Variants in CTNNA3 observed in about 807,000 individuals in gnomAD.
CTNNA3 encodes catenin alpha 3, also known as catenin alpha-3.
Under a neutral mutation model 95.7 loss-of-function variants are expected in CTNNA3, and 76 were observed. The ratio of observed to expected loss-of-function variants is 0.79; its 90% CI spans 0.66 to 0.96. The LOEUF is 0.96. CTNNA3 is among the 40% of genes least tolerant of loss of function. The pLI, the probability that CTNNA3 is intolerant of heterozygous loss-of-function variation, is 0.00. For synonymous variants in CTNNA3, 431 were observed against 374.4 expected (o/e 1.15, Z -1.74); for missense variants, 1,191 against 1,089.8 (o/e 1.09, Z -1.31).
chr10:66,576,546 T>C (rs758848102), intron 10 of CTNNA3, among the ~76,000 whole-genome samples: 1 of 151,986 alleles, frequency 6.6e-6, no homozygotes, highest in Non-Finnish European at 1.5e-5. Context: ...TTATATTCAA[T>C]GTTGAGCTTC....
intron 11 of CTNNA3, among the ~76,000 whole-genome samples, chr10:66,508,854 C>A (rs996234749): frequency 6.6e-6 from 1 of 152,030 alleles, no homozygotes; most frequent in African/African-American, 2.4e-5. Flanking sequence ...CATGGGGTTG[C>A]AGATATTTCT....
intron 11 of CTNNA3, among the ~76,000 whole-genome samples, chr10:66,480,717 G>A (rs1226550665): frequency 6.6e-6 from 1 of 152,058 alleles, no homozygotes; most frequent in Non-Finnish European, 1.5e-5. Flanking sequence ...TGATTGTCCT[G>A]CCTCAGCCTC....
intron 1 of CTNNA3, among the ~76,000 whole-genome samples, chr10:67,656,944 G>C (rs1032244344): frequency 1.1e-4 from 17 of 152,188 alleles, no homozygotes; most frequent in African/African-American, 4.1e-4. Context: ...GAATCACTCT[G>C]GTGAATAGAA....
At chr10:67,010,552 G>C (rs201061668) in intron 7 of CTNNA3, among the ~76,000 whole-genome samples, 5 of 152,100 alleles carry the variant, frequency 3.3e-5, no homozygotes, top group Non-Finnish European at 5.9e-5. Context: ...GAAGAAGAGT[G>C]GGGGGAGCAC....
intron 1 of CTNNA3, among the ~76,000 whole-genome samples, chr10:67,654,958 A>G (rs1274019251): frequency 5.3e-5 from 8 of 152,208 alleles, no homozygotes; most frequent in Non-Finnish European, 2.9e-5. Context: ...AATAGTCGAA[A>G]ACACAGAAAT....
chr10:66,134,998 G>C (rs78420948), intron 13 of CTNNA3, among the ~76,000 whole-genome samples: 4,755 of 152,202 alleles, frequency 0.031, 244 homozygotes, highest in African/African-American at 0.11. Context: ...ATTGTAGATA[G>C]AGTGAATGTT....
At chr10:65,982,067 C>T (rs4105581) in intron 16 of CTNNA3, among the ~76,000 whole-genome samples, 141 of 151,406 alleles carry the variant, frequency 9.3e-4, no homozygotes, top group African/African-American at 3.2e-3. Context: ...GAAAACCCAC[C>T]GAATGGGAGA....
chr10:66,365,030 G>T (rs2092701767), intron 12 of CTNNA3, among the ~76,000 whole-genome samples: 1 of 152,148 alleles, frequency 6.6e-6, no homozygotes, highest in Admixed American at 6.5e-5. Flanking sequence ...TTTACTGTAT[G>T]TCAGGTCCTT....
chr10:67,482,413 CTT>C (rs2048780592), intron 5 of CTNNA3, among the ~76,000 whole-genome samples: 1 of 152,076 alleles, frequency 6.6e-6, no homozygotes, highest in Non-Finnish European at 1.5e-5. Flanking sequence ...TTTGTATCCT[CTT>C]TTATTTCATT....
At chr10:66,042,357 C>G (rs2133498042) in intron 15 of CTNNA3, among the ~76,000 whole-genome samples, 1 of 152,070 alleles carries the variant, frequency 6.6e-6, no homozygotes, top group East Asian at 1.9e-4. Flanking sequence ...ATAGTATGTT[C>G]CTATATGCCA....
At chr10:65,948,024 T>C (rs769985438) in intron 17 of CTNNA3, among the ~76,000 whole-genome samples, 1 of 152,126 alleles carries the variant, frequency 6.6e-6, no homozygotes, top group Admixed American at 6.5e-5. Context: ...ACGCCTGTAA[T>C]CCCAGCACTT....
At chr10:66,146,951 T>C (rs1400978043) in intron 13 of CTNNA3, among the ~76,000 whole-genome samples, 1 of 152,200 alleles carries the variant, frequency 6.6e-6, no homozygotes, top group Non-Finnish European at 1.5e-5. Context: ...AGTTTTCCTG[T>C]AGAATATGCA....
chr10:66,432,896 G>A (rs573584996), intron 11 of CTNNA3, among the ~76,000 whole-genome samples: 7 of 152,066 alleles, frequency 4.6e-5, no homozygotes, highest in Non-Finnish European at 1.0e-4. Context: ...AGAACATAGG[G>A]TGTTTGGTTT....
intron 5 of CTNNA3, among the ~76,000 whole-genome samples, chr10:67,332,450 G>T (rs1186347914): frequency 2.0e-5 from 3 of 152,144 alleles, no homozygotes; most frequent in Non-Finnish European, 4.4e-5. Context: ...ACTACTTTCT[G>T]TGAACTGTAG....
Position 67,325,248 on chromosome 10 carries a change from T to C in CTNNA3, c.580-105378A>G, listed in dbSNP as rs572264304. On this transcript the variant is annotated intron_variant, in intron 5 of 17. Coordinates refer to ENST00000433211, the MANE Select transcript of CTNNA3 (RefSeq NM_013266.4). ...TCAATCTCCTTCAGTTCAGCTCTGATTTTGGTTATTTCTTATCTTCTGCTA... is the reference window on the plus strand; with the variant it reads ...TCAATCTCCTTCAGTTCAGCTCTGACTTTGGTTATTTCTTATCTTCTGCTA... Among the ~76,000 whole-genome samples the C allele has an allele frequency of 8.1e-4, 124 of 152,258 alleles. 1 individual carries two copies. The highest frequency in any genetic ancestry group is 1.4e-3 in the Admixed American group (22 of 15,292).
intron 7 of CTNNA3, among the ~76,000 whole-genome samples, chr10:66,979,791 A>C (rs1023893722): frequency 2.6e-5 from 4 of 152,202 alleles, no homozygotes; most frequent in South Asian, 2.1e-4. Context: ...AAAATTTCCC[A>C]AAATTTTATT....
At chr10:66,668,715 G>C (rs1417064034) in intron 9 of CTNNA3, among the ~76,000 whole-genome samples, 1 of 152,034 alleles carries the variant, frequency 6.6e-6, no homozygotes, top group Non-Finnish European at 1.5e-5. Context: ...GGGAGGCTGA[G>C]GCATGAGAAT....
At chr10:67,202,118 G>A (rs944565779) in intron 6 of CTNNA3, among the ~76,000 whole-genome samples, 11 of 151,854 alleles carry the variant, frequency 7.2e-5, no homozygotes, top group Non-Finnish European at 1.3e-4. Flanking sequence ...TTTCCTTTTC[G>A]ATTGGTCTCA....
At chr10:65,929,431 G>A (rs1786923) in intron 17 of CTNNA3, among the ~76,000 whole-genome samples, 110,415 of 152,050 alleles carry the variant, frequency 0.73, 40,304 homozygotes, top group Middle Eastern at 0.77. Flanking sequence ...CATATCTTGG[G>A]CTCAGTTTCC....
Sources: allele counts gnomAD v4.1 joint callset (sites outside exome capture counted in the v4.1 genomes callset), GRCh38; gene constraint gnomAD v4.1.1; transcripts MANE v1.5; gene names NCBI Gene and HGNC (gene_info 2026-07-23, HGNC 2026-07-21).